The following FBXW10B variants were observed in gnomAD, a reference collection of about 807,000 sequenced individuals.
FBXW10B encodes the protein F-box and WD repeat domain containing protein 10B.
At chr17:15,572,129 A>G in the FBXW10B span, 1 of 150,006 alleles carries the variant, frequency 6.7e-6, no homozygotes, top group African/African-American at 2.5e-5. Flanking sequence ...TACACTTGCA[A>G]TGGGTAAATT....
chr17:15,602,718 C>A, the FBXW10B span, among the ~76,000 whole-genome samples: 2 of 116,234 alleles, frequency 1.7e-5, no homozygotes, highest in Non-Finnish European at 1.7e-5. Context: ...CCTCCGCCCC[C>A]TGGGGTTCAC....
chr17:15,590,105 G>A, the FBXW10B span, among the ~76,000 whole-genome samples: 2 of 150,118 alleles, frequency 1.3e-5, no homozygotes, highest in South Asian at 2.1e-4. Context: ...CGACCCCACC[G>A]CTCATGAGCT....
the FBXW10B span, chr17:15,605,501 T>A: frequency 8.2e-7 from 1 of 1,222,860 alleles, no homozygotes; most frequent in East Asian, 2.6e-5. Context: ...CCCATGACTT[T>A]TGCCTACAGC....
chr17:15,568,775 T>C, the FBXW10B span: 2 of 920,958 alleles, frequency 2.2e-6, no homozygotes, highest in Non-Finnish European at 2.8e-6. Context: ...TGTTCCAAAG[T>C]CAGGCACCTA....
chr17:15,576,649 A>G, the FBXW10B span, among the ~76,000 whole-genome samples: 1 of 152,234 alleles, frequency 6.6e-6, no homozygotes, highest in Non-Finnish European at 1.5e-5. Flanking sequence ...GAAATAATAC[A>G]TGTCAGCATT....
At chr17:15,601,672 A>G in the FBXW10B span, among the ~76,000 whole-genome samples, 1 of 152,230 alleles carries the variant, frequency 6.6e-6, no homozygotes, top group Non-Finnish European at 1.5e-5. Context: ...GCTCTAAGAA[A>G]GAACACAGAT....
the FBXW10B span, among the ~76,000 whole-genome samples, chr17:15,606,141 G>A: frequency 1.4e-5 from 2 of 141,530 alleles, no homozygotes; most frequent in Non-Finnish European, 3.0e-5. Context: ...ATAACTCCCT[G>A]TAACCTCCAG....
chr17:15,602,050 G>T, the FBXW10B span, among the ~76,000 whole-genome samples: 1 of 151,444 alleles, frequency 6.6e-6, no homozygotes, highest in South Asian at 2.1e-4. Context: ...AGGCGGAGCT[G>T]GCAGTGAGCT....
the FBXW10B span, among the ~76,000 whole-genome samples, chr17:15,602,827 C>T: frequency 7.4e-5 from 9 of 122,286 alleles, 1 homozygote; most frequent in Non-Finnish European, 1.3e-4. Context: ...CGGGGTTTCA[C>T]CGTGTTAGCC....
At chr17:15,593,058 G>A in the FBXW10B span, among the ~76,000 whole-genome samples, 36,742 of 128,814 alleles carry the variant, frequency 0.29, 5,992 homozygotes, top group African/African-American at 0.39. Context: ...AGCCGAGATC[G>A]CATCACTGCA....
the FBXW10B span, among the ~76,000 whole-genome samples, chr17:15,616,675 G>A: frequency 7.9e-5 from 12 of 151,804 alleles, no homozygotes; most frequent in Non-Finnish European, 1.6e-4. Flanking sequence ...GCGTGGTGGT[G>A]GCAGGCACCT....
the FBXW10B span, among the ~76,000 whole-genome samples, chr17:15,567,946 G>A: frequency 5.9e-5 from 9 of 151,772 alleles, no homozygotes; most frequent in Non-Finnish European, 1.2e-4. Flanking sequence ...AAAAACACAC[G>A]CTGAATAAGC....
chr17:15,576,794 G>A, the FBXW10B span, among the ~76,000 whole-genome samples: 1 of 150,642 alleles, frequency 6.6e-6, no homozygotes, highest in Admixed American at 6.6e-5. Context: ...AAAACACTTG[G>A]AATTGGGGTC....
chr17:15,594,134 A>C, the FBXW10B span, among the ~76,000 whole-genome samples: 92 of 152,160 alleles, frequency 6.0e-4, no homozygotes, highest in Non-Finnish European at 1.2e-3. Flanking sequence ...GTTTACTTAT[A>C]CAATAGTCAT....
chr17:15,616,811 CAAAAAAA>C, the FBXW10B span, among the ~76,000 whole-genome samples: 2 of 64,650 alleles, frequency 3.1e-5, no homozygotes, highest in Non-Finnish European at 5.9e-5. Context: ...GACTCTGTCT[CAAAAAAA>C]AAAAAAAAAA....
At chr17:15,574,068 T>C in the FBXW10B span, 1 of 696,112 alleles carries the variant, frequency 1.4e-6, no homozygotes, top group Admixed American at 2.3e-5. Flanking sequence ...GAATGTCTCG[T>C]CTTCTTCATC....
At chr17:15,601,408 CAAAAAAA>C in the FBXW10B span, among the ~76,000 whole-genome samples, 1,919 of 66,632 alleles carry the variant, frequency 0.029, 25 homozygotes, top group African/African-American at 0.035. Flanking sequence ...GACTCCGTCT[CAAAAAAA>C]AAAAAAAAAA....
the FBXW10B span, among the ~76,000 whole-genome samples, chr17:15,578,726 A>C: frequency 5.3e-5 from 8 of 152,158 alleles, no homozygotes; most frequent in Admixed American, 1.3e-4. Context: ...AGCTGGGACA[A>C]TAGGAATCAC....
the FBXW10B span, among the ~76,000 whole-genome samples, chr17:15,571,312 T>C: frequency 6.7e-6 from 1 of 150,100 alleles, no homozygotes; most frequent in Non-Finnish European, 1.5e-5. Context: ...GCCACTGCAC[T>C]CAAGTCTGGG....
Sources: allele counts gnomAD v4.1 joint callset (sites outside exome capture counted in the v4.1 genomes callset), GRCh38; gene constraint gnomAD v4.1.1; transcripts MANE v1.5; gene names NCBI Gene and HGNC (gene_info 2026-07-23, HGNC 2026-07-21).